GPR15LG: variants seen among roughly 807,000 people sequenced by gnomAD.
GPR15LG encodes the protein G protein-coupled receptor 15 ligand, also known as protein GPR15LG.
At chr10:84,175,808 C>T in the GPR15LG span, among the ~76,000 whole-genome samples, 1 of 151,650 alleles carries the variant, frequency 6.6e-6, no homozygotes. Context: ...ACCTGGCCTA[C>T]TTTGCACATT....
chr10:84,175,745 A>G, the GPR15LG span, among the ~76,000 whole-genome samples: 12 of 152,200 alleles, frequency 7.9e-5, no homozygotes, highest in Non-Finnish European at 1.2e-4. Flanking sequence ...GACTCAAGCC[A>G]TCCTCCCACC....
At chr10:84,176,538 A>C in the GPR15LG span, 1 of 1,614,038 alleles carries the variant, frequency 6.2e-7, no homozygotes, top group Non-Finnish European at 8.5e-7. Flanking sequence ...GCTGCCACCG[A>C]GTCCCTAGCC....
the GPR15LG span, among the ~76,000 whole-genome samples, chr10:84,180,712 G>T: frequency 6.6e-6 from 1 of 152,206 alleles, no homozygotes; most frequent in African/African-American, 2.4e-5. Flanking sequence ...TGCAATCTCA[G>T]CACTTTGGGA....
chr10:84,179,214 G>A, the GPR15LG span, among the ~76,000 whole-genome samples: 2 of 152,236 alleles, frequency 1.3e-5, no homozygotes, highest in African/African-American at 2.4e-5. Context: ...TGAAGAGGGA[G>A]TTATAATAGA....
chr10:84,174,725 C>T, the GPR15LG span, among the ~76,000 whole-genome samples: 559 of 152,150 alleles, frequency 3.7e-3, 4 homozygotes, highest in African/African-American at 0.013. Flanking sequence ...CTCCTAACCT[C>T]GTAATCCTCC....
chr10:84,183,093 G>T, the GPR15LG span, among the ~76,000 whole-genome samples: 1 of 151,942 alleles, frequency 6.6e-6, no homozygotes, highest in Non-Finnish European at 1.5e-5. Context: ...GTGGATGGAT[G>T]AATTATAATT....
the GPR15LG span, among the ~76,000 whole-genome samples, chr10:84,179,974 C>T: frequency 1.3e-5 from 2 of 151,376 alleles, no homozygotes; most frequent in Non-Finnish European, 2.9e-5. Flanking sequence ...GGAAGGTCAG[C>T]AGATAAACAT....
chr10:84,177,224 C>T, the GPR15LG span, among the ~76,000 whole-genome samples: 16 of 152,232 alleles, frequency 1.1e-4, no homozygotes, highest in African/African-American at 3.1e-4. Context: ...AGGCCTGTGG[C>T]GGACAGGCCC....
chr10:84,180,842 C>T, the GPR15LG span, among the ~76,000 whole-genome samples: 396 of 152,048 alleles, frequency 2.6e-3, 5 homozygotes, highest in African/African-American at 9.0e-3. Context: ...CCCGGCACCT[C>T]GGGAGGCCGA....
the GPR15LG span, among the ~76,000 whole-genome samples, chr10:84,179,186 C>T: frequency 6.6e-6 from 1 of 152,224 alleles, no homozygotes; most frequent in African/African-American, 2.4e-5. Flanking sequence ...CACTGCTAAG[C>T]CTCAGTCTCC....
At chr10:84,174,500 T>C in the GPR15LG span, among the ~76,000 whole-genome samples, 53 of 145,528 alleles carry the variant, frequency 3.6e-4, 1 homozygote, top group African/African-American at 1.3e-3. Context: ...TTTTCTTTTT[T>C]TTTTTTTTTT....
At chr10:84,182,751 G>A in the GPR15LG span, among the ~76,000 whole-genome samples, 5 of 152,182 alleles carry the variant, frequency 3.3e-5, no homozygotes, top group Non-Finnish European at 1.5e-5. Flanking sequence ...TCCCTATCAT[G>A]ATGGGAGAAA....
At chr10:84,184,172 A>G in the GPR15LG span, among the ~76,000 whole-genome samples, 1 of 152,196 alleles carries the variant, frequency 6.6e-6, no homozygotes, top group East Asian at 1.9e-4. Context: ...AAAAAAAAAA[A>G]AAAACTATAA....
At chr10:84,183,544 A>G in the GPR15LG span, among the ~76,000 whole-genome samples, 1 of 151,920 alleles carries the variant, frequency 6.6e-6, no homozygotes, top group Non-Finnish European at 1.5e-5. Context: ...AGTCGGAATC[A>G]TTTTTCTTCT....
chr10:84,183,817 T>C, the GPR15LG span, among the ~76,000 whole-genome samples: 1 of 152,092 alleles, frequency 6.6e-6, no homozygotes, highest in East Asian at 1.9e-4. Flanking sequence ...GGCAAATTTT[T>C]GTATTTTTGG....
At chr10:84,175,510 C>A in the GPR15LG span, among the ~76,000 whole-genome samples, 8 of 152,170 alleles carry the variant, frequency 5.3e-5, no homozygotes, top group African/African-American at 1.9e-4. Flanking sequence ...CAATTGTGTG[C>A]TTTTCCTTTT....
At chr10:84,177,664 C>G in the GPR15LG span, among the ~76,000 whole-genome samples, 1,120 of 152,316 alleles carry the variant, frequency 7.4e-3, 9 homozygotes, top group African/African-American at 0.025. Context: ...TCCAAACTGG[C>G]ATCACACCCA....
chr10:84,179,366 C>T, the GPR15LG span, among the ~76,000 whole-genome samples: 1 of 152,322 alleles, frequency 6.6e-6, no homozygotes, highest in East Asian at 1.9e-4. Flanking sequence ...GCTGCTGGCA[C>T]AGGAGATGAG....
At chr10:84,183,791 G>A in the GPR15LG span, among the ~76,000 whole-genome samples, 8 of 151,914 alleles carry the variant, frequency 5.3e-5, no homozygotes, top group African/African-American at 4.8e-5. Context: ...GACCACAGGC[G>A]TGCGCCACCA....
Sources: allele counts gnomAD v4.1 joint callset (sites outside exome capture counted in the v4.1 genomes callset), GRCh38; gene constraint gnomAD v4.1.1; transcripts MANE v1.5; gene names NCBI Gene and HGNC (gene_info 2026-07-23, HGNC 2026-07-21).